VPS13B: variants seen among roughly 807,000 people sequenced by gnomAD.
The protein encoded by VPS13B is vacuolar protein sorting 13 homolog B.
Under a neutral mutation model 426.4 loss-of-function variants are expected in VPS13B, and 285 were observed. The ratio of observed to expected loss-of-function variants is 0.67; its 90% CI spans 0.61 to 0.74. VPS13B has a LOEUF of 0.74. Among genes scored for constraint, VPS13B ranks in the 30% least tolerant of loss-of-function variants. The probability of loss-of-function intolerance (pLI) is 0.00; values close to 1 mark genes in which losing one functional copy is unlikely to be tolerated. For missense variants in VPS13B, 4,537 were observed against 4,782.6 expected, an observed-to-expected ratio of 0.95 and a Z score of 1.51; for synonymous variants, 1,676 against 1,676.4, an observed-to-expected ratio of 1.00 and a Z score of 0.01.
intron 19 of VPS13B, among the ~76,000 whole-genome samples, chr8:99,298,133 T>G (rs1405091094): frequency 6.6e-6 from 1 of 152,242 alleles, no homozygotes; most frequent in Non-Finnish European, 1.5e-5. Context: ...ACAAATTTTA[T>G]GATGCAGTGG....
At chr8:99,875,275 A>G in intron 61 of VPS13B, 143 bp from the exon 62 acceptor site, 1 of 1,227,258 alleles carries the variant, frequency 8.1e-7, no homozygotes, top group South Asian at 1.3e-5. Context: ...TCTCAGAGGA[A>G]AAAAGGAAAC....
At chr8:99,205,537 A>G (rs1039692571) in intron 17 of VPS13B, among the ~76,000 whole-genome samples, 1 of 152,146 alleles carries the variant, frequency 6.6e-6, no homozygotes, top group Non-Finnish European at 1.5e-5. Context: ...ACTTTCATTT[A>G]CTTTTCACAT....
At chr8:99,730,730 T>C (rs1020459009) in intron 39 of VPS13B, among the ~76,000 whole-genome samples, 1 of 151,462 alleles carries the variant, frequency 6.6e-6, no homozygotes, top group African/African-American at 2.4e-5. Flanking sequence ...CAGGTACAGG[T>C]ACCTCCTGAA....
intron 12 of VPS13B, among the ~76,000 whole-genome samples, chr8:99,141,597 TAATC>T (rs1254572941): frequency 2.0e-5 from 3 of 152,186 alleles, no homozygotes; most frequent in Admixed American, 6.5e-5. Flanking sequence ...GAGTCAGTAT[TAATC>T]ATACATCTTA....
At chr8:99,711,107 T>C (rs528935218) in intron 36 of VPS13B, among the ~76,000 whole-genome samples, 4 of 152,296 alleles carry the variant, frequency 2.6e-5, no homozygotes, top group African/African-American at 7.2e-5. Context: ...AAAGGAAATA[T>C]CTATTTTAAA....
intron 19 of VPS13B, among the ~76,000 whole-genome samples, chr8:99,298,403 C>T (rs1013758843): frequency 5.3e-5 from 8 of 152,136 alleles, no homozygotes; most frequent in Non-Finnish European, 7.4e-5. Flanking sequence ...GCAGGAGAAT[C>T]ACTTGAACCT....
chr8:99,127,441 A>G (rs1848233025), intron 8 of VPS13B, among the ~76,000 whole-genome samples: 1 of 151,602 alleles, frequency 6.6e-6, no homozygotes, highest in Non-Finnish European at 1.5e-5. Flanking sequence ...GTGCACCCCC[A>G]CCCCCACTAT....
chr8:99,704,205 A>G (rs892341988), intron 36 of VPS13B, among the ~76,000 whole-genome samples: 4 of 152,166 alleles, frequency 2.6e-5, no homozygotes, highest in African/African-American at 4.8e-5. Flanking sequence ...TGAATAAACA[A>G]AAGTAGAGAG....
At position 99,437,414 on chromosome 8, in the gene VPS13B, T is replaced by A. The variant is rs536669195; in HGVS notation, c.3211-4987T>A. On this transcript the variant is annotated intron_variant, in intron 22 of 61. Coordinates refer to ENST00000357162, the MANE Select transcript of VPS13B (RefSeq NM_152564.5). ...GACAGTCTTTTTTTTTAAAAAAAAATATATATATATATGAACTTTGGGGCC... is the reference window on the plus strand; with the variant it reads ...GACAGTCTTTTTTTTTAAAAAAAAAAATATATATATATGAACTTTGGGGCC... 6.6e-3 allele frequency among the ~76,000 whole-genome samples: 990 copies of A among 149,500 alleles called. 4 individuals carry two copies. Among genetic ancestry groups the A allele is most frequent in the Middle Eastern group, 0.017 (5 of 294 alleles).
At chr8:99,504,579 AT>A (rs889112132) in intron 27 of VPS13B, among the ~76,000 whole-genome samples, 5 of 150,888 alleles carry the variant, frequency 3.3e-5, no homozygotes, top group East Asian at 2.0e-4. Context: ...TTTACAAAGG[AT>A]TTTTTTTTTC....
chr8:99,424,592 T>C (rs181588336), intron 21 of VPS13B: 222 of 152,154 alleles, frequency 1.5e-3, no homozygotes, highest in African/African-American at 5.0e-3. Flanking sequence ...CACTAAATGC[T>C]CACAAGAGAA....
intron 3 of VPS13B, among the ~76,000 whole-genome samples, chr8:99,045,652 T>A (rs1843202651): frequency 1.3e-5 from 2 of 152,242 alleles, no homozygotes; most frequent in Non-Finnish European, 2.9e-5. Flanking sequence ...TTTCTGGTGT[T>A]ATCTTCTAGA....
At chr8:99,242,759 C>A (rs1490203445) in intron 17 of VPS13B, among the ~76,000 whole-genome samples, 3 of 152,100 alleles carry the variant, frequency 2.0e-5, no homozygotes, top group Non-Finnish European at 4.4e-5. Context: ...CTATATTTTA[C>A]TGACATTTTG....
At position 99,367,003 on chromosome 8, in the gene VPS13B, CT is replaced by C. The variant is rs543931164; in HGVS notation, c.2825-17201del. 5.5e-3 allele frequency among the ~76,000 whole-genome samples: 834 copies of C among 152,274 alleles called. 9 individuals carry two copies. Among genetic ancestry groups the C allele is most frequent in the African/African-American group, 0.019 (803 of 41,572 alleles). On this transcript the variant is annotated intron_variant, in intron 19 of 61. Transcript: ENST00000357162. ...TAGTTATTGTCCTAGATTGGTTCAT[CT>C]TTTAATCTTTCTACTTAAGAGTAGT...
chr8:99,821,487 G>C lies in VPS13B; in HGVS notation c.9183+5G>C. 1 of 1,613,526 alleles carries C rather than the reference G, an allele frequency of 6.2e-7. No individual in the cohort carries two copies. Among genetic ancestry groups the C allele is most frequent in the Non-Finnish European group, 8.5e-7 (1 of 1,179,574 alleles). On this transcript the variant is annotated splice_donor_5th_base_variant and intron_variant, in intron 50 of 61. Coordinates refer to ENST00000357162, the MANE Select transcript of VPS13B (RefSeq NM_152564.5). The stretch of plus-strand genomic sequence containing the variant: ...GCTTTTCCAGGACATCAGAAGGTAA[G>C]ATCAAAGTCTATGTGGCTGGGAGGA...
intron 3 of VPS13B, among the ~76,000 whole-genome samples, chr8:99,044,135 G>A (rs1020475571): frequency 8.4e-5 from 11 of 131,524 alleles, no homozygotes; most frequent in Middle Eastern, 9.1e-3. Flanking sequence ...CCAGGCTGGA[G>A]TGCAGGGGCG....
At chr8:99,121,028 A>G in intron 7 of VPS13B, 149 bp from the exon 8 acceptor site, 2 of 675,538 alleles carry the variant, frequency 3.0e-6, no homozygotes, top group Non-Finnish European at 2.5e-6. Context: ...ATGCTAAATT[A>G]TTGGTTTCAA....
At chr8:99,615,079 T>C (rs1262597661) in intron 33 of VPS13B, among the ~76,000 whole-genome samples, 1 of 141,222 alleles carries the variant, frequency 7.1e-6, no homozygotes, top group Non-Finnish European at 1.5e-5. Flanking sequence ...ATTGCGCCAT[T>C]GCACTCCAGC....
At chr8:99,312,565 T>A (rs2133103622) in intron 19 of VPS13B, among the ~76,000 whole-genome samples, 1 of 152,336 alleles carries the variant, frequency 6.6e-6, no homozygotes, top group South Asian at 2.1e-4. Flanking sequence ...CTTCCCTTTG[T>A]GGGTAACCGG....
Sources: gnomAD v4.1 joint callset for allele counts (sites outside exome capture counted in the v4.1 genomes callset) on GRCh38, gnomAD v4.1.1 for gene constraint, MANE v1.5 for transcripts, NCBI Gene and HGNC (gene_info 2026-07-23, HGNC 2026-07-21) for gene names.